RBMS3: variants seen among roughly 807,000 people sequenced by gnomAD.
RBMS3 encodes RNA-binding motif, single-stranded-interacting protein 3.
RBMS3 carries 27 observed loss-of-function variants against 66.8 expected under a neutral mutation model. The observed-to-expected ratio is 0.40, with a 90% CI of 0.30 to 0.56. The LOEUF is 0.56. RBMS3 is among the 20% of genes least tolerant of loss of function. RBMS3 has a pLI of 0.40. For synonymous variants in RBMS3, 188 were observed against 183.0 expected, an observed-to-expected ratio of 1.03 and a Z score of -0.22; for missense variants, 513 against 549.5, an observed-to-expected ratio of 0.93 and a Z score of 0.66.
chr3:29,497,514 G>A (rs557104264), intron 3 of RBMS3, among the ~76,000 whole-genome samples: 4 of 152,130 alleles, frequency 2.6e-5, no homozygotes, highest in East Asian at 3.9e-4. Flanking sequence ...GACTCATGTC[G>A]ATAAACATAA....
intron 6 of RBMS3, among the ~76,000 whole-genome samples, chr3:29,823,554 A>G (rs2058127072): frequency 6.6e-6 from 1 of 152,210 alleles, no homozygotes; most frequent in African/African-American, 2.4e-5. Flanking sequence ...AGAACTTCCT[A>G]CAATGACAGA....
chr3:29,530,879 A>G (rs1450637064), intron 3 of RBMS3, among the ~76,000 whole-genome samples: 1 of 152,004 alleles, frequency 6.6e-6, no homozygotes, highest in Non-Finnish European at 1.5e-5. Flanking sequence ...CTCAAAAAAA[A>G]AAAAAAAGTG....
intron 2 of RBMS3, among the ~76,000 whole-genome samples, chr3:29,452,988 G>A (rs1008885489): frequency 6.6e-6 from 1 of 152,110 alleles, no homozygotes; most frequent in Non-Finnish European, 1.5e-5. Context: ...ATGCATTCTG[G>A]ACGTATAGAA....
intron 4 of RBMS3, among the ~76,000 whole-genome samples, chr3:29,659,435 T>C (rs1377119942): frequency 6.6e-6 from 1 of 152,212 alleles, no homozygotes; most frequent in African/African-American, 2.4e-5. Flanking sequence ...TTTCTGTCTC[T>C]GTGATTTTGA....
chr3:29,910,118 G>T (rs376898200), intron 10 of RBMS3, among the ~76,000 whole-genome samples: 1 of 151,926 alleles, frequency 6.6e-6, no homozygotes, highest in Non-Finnish European at 1.5e-5. Flanking sequence ...AATTCAAATA[G>T]AAATAATGTT....
At chr3:29,913,994 T>C (rs2060579095) in intron 10 of RBMS3, among the ~76,000 whole-genome samples, 1 of 151,974 alleles carries the variant, frequency 6.6e-6, no homozygotes, top group Non-Finnish European at 1.5e-5. Context: ...AACTGATGAA[T>C]GATTGATGGA....
intron 4 of RBMS3, among the ~76,000 whole-genome samples, chr3:29,607,994 A>G (rs1347249280): frequency 6.6e-6 from 1 of 152,020 alleles, no homozygotes; most frequent in East Asian, 1.9e-4. Context: ...AGTGTAATTT[A>G]CATGGTACGA....
chr3:29,550,030 A>G (rs763408929), intron 3 of RBMS3, among the ~76,000 whole-genome samples: 2 of 152,200 alleles, frequency 1.3e-5, no homozygotes, highest in African/African-American at 2.4e-5. Context: ...TCATTTCCAA[A>G]CATTCACTGC....
chr3:29,833,201 A>G (rs562866196), intron 6 of RBMS3, among the ~76,000 whole-genome samples: 2 of 152,322 alleles, frequency 1.3e-5, no homozygotes, highest in East Asian at 3.9e-4. Flanking sequence ...TTAAAACTGA[A>G]GGAGATAACT....
intron 4 of RBMS3, among the ~76,000 whole-genome samples, chr3:29,642,086 C>T (rs984721238): frequency 2.6e-5 from 4 of 152,052 alleles, no homozygotes; most frequent in Admixed American, 1.3e-4. Flanking sequence ...TGAACATGCA[C>T]GCTGTGGCAG....
intron 10 of RBMS3, among the ~76,000 whole-genome samples, chr3:29,931,315 AG>A (rs1466338216): frequency 6.6e-6 from 1 of 152,200 alleles, no homozygotes; most frequent in Non-Finnish European, 1.5e-5. Context: ...ACAATAATAA[AG>A]GGGAAGGAGG....
In RBMS3 at chr3:29,991,064, T is replaced by TCTTATTTGCCTCCTTA. The variant is rs1445144969; in HGVS notation, c.1180-17_1180-2dup. The TCTTATTTGCCTCCTTA allele has an allele frequency of 3.3e-5, 51 of 1,530,030 alleles. No individual in the cohort carries two copies. The highest frequency in any genetic ancestry group is 4.4e-5 in the Non-Finnish European group (50 of 1,129,540). The allele number at this position is 1,530,030 out of a possible 1,614,324, so 94.8% of individuals were successfully genotyped here. On this transcript the variant is annotated splice_polypyrimidine_tract_variant and intron_variant, in intron 13 of 14. Transcript: ENST00000383767. ...ACTGAAGCAAGTAAGGCTTTTATGT[T>TCTTATTTGCCTCCTTA]CTTATTTGCCTCCTTAGGGTGTTGT... is the stretch of plus-strand genomic sequence containing the variant.
intron 4 of RBMS3, among the ~76,000 whole-genome samples, chr3:29,698,920 C>T (rs907589788): frequency 6.6e-6 from 1 of 152,024 alleles, no homozygotes; most frequent in Non-Finnish European, 1.5e-5. Context: ...TTTTATTCAC[C>T]CAGCTTTCTT....
chr3:29,718,665 A>C (rs1213345607), intron 4 of RBMS3, among the ~76,000 whole-genome samples: 1 of 152,132 alleles, frequency 6.6e-6, no homozygotes, highest in Non-Finnish European at 1.5e-5. Flanking sequence ...AACCTTCTGC[A>C]GCTTTGGAAA....
intron 3 of RBMS3, among the ~76,000 whole-genome samples, chr3:29,498,336 G>A (rs1559413330): frequency 6.6e-6 from 1 of 151,874 alleles, no homozygotes; most frequent in African/African-American, 2.4e-5. Flanking sequence ...TTTTGTTAAT[G>A]TGGAGTTATT....
chr3:29,528,915 T>C (rs2045243881), intron 3 of RBMS3, among the ~76,000 whole-genome samples: 1 of 151,996 alleles, frequency 6.6e-6, no homozygotes, highest in South Asian at 2.1e-4. Flanking sequence ...TTTTCTTTTT[T>C]TCTTTTTTAG....
chr3:29,601,133 A>G (rs2149116776), intron 4 of RBMS3, among the ~76,000 whole-genome samples: 1 of 151,768 alleles, frequency 6.6e-6, no homozygotes, highest in Middle Eastern at 3.5e-3. Context: ...CATAACATAC[A>G]ATATATATTT....
intron 1 of RBMS3, among the ~76,000 whole-genome samples, chr3:29,291,176 G>A (rs2032779888): frequency 6.6e-6 from 1 of 151,880 alleles, no homozygotes; most frequent in Non-Finnish European, 1.5e-5. Context: ...TTTGGGTTTT[G>A]CAGTTTTTCT....
chr3:29,353,195 C>G (rs1183036236), intron 1 of RBMS3, among the ~76,000 whole-genome samples: 2 of 151,736 alleles, frequency 1.3e-5, no homozygotes, highest in Admixed American at 6.6e-5. Context: ...TTTTCTTTCT[C>G]TTATCTGATT....
Sources: allele counts gnomAD v4.1 joint callset (sites outside exome capture counted in the v4.1 genomes callset), GRCh38; gene constraint gnomAD v4.1.1; transcripts MANE v1.5; gene names NCBI Gene and HGNC (gene_info 2026-07-23, HGNC 2026-07-21).